Variants in GRM5 observed in about 807,000 individuals in gnomAD.
GRM5 encodes the protein glutamate metabotropic receptor 5.
Under a neutral mutation model 83.1 loss-of-function variants are expected in GRM5, and 19 were observed. The observed-to-expected ratio is 0.23, with a 90% CI of 0.16 to 0.34. The LOEUF (loss-of-function observed/expected upper bound fraction) is 0.34. GRM5 is among the 10% of genes least tolerant of loss of function. GRM5 has a pLI of 1.00. For missense variants in GRM5, 1,160 were observed against 1,588.3 expected (o/e 0.73, Z 4.58); for synonymous variants, 675 against 633.6 (o/e 1.07, Z -0.98).
At chr11:88,887,082 T>A (rs1402605448) in intron 2 of GRM5, among the ~76,000 whole-genome samples, 1 of 152,148 alleles carries the variant, frequency 6.6e-6, no homozygotes, top group Non-Finnish European at 1.5e-5. Flanking sequence ...CCTTTTTGCA[T>A]CCCTCTACTA....
chr11:89,015,541 C>T (rs571672794), intron 2 of GRM5, among the ~76,000 whole-genome samples: 1 of 152,236 alleles, frequency 6.6e-6, no homozygotes, highest in Non-Finnish European at 1.5e-5. Context: ...TATTAGTCTG[C>T]CCTCGTGGAT....
intron 4 of GRM5, among the ~76,000 whole-genome samples, chr11:88,647,191 G>T (rs1038004388): frequency 1.3e-5 from 2 of 151,904 alleles, no homozygotes; most frequent in Non-Finnish European, 2.9e-5. Context: ...CGAATTAGGG[G>T]CCTACCCTAC....
intron 3 of GRM5, among the ~76,000 whole-genome samples, chr11:88,776,891 C>T (rs7122663): frequency 0.018 from 2,780 of 152,202 alleles, 78 homozygotes; most frequent in African/African-American, 0.062. Context: ...TCATTTCAAC[C>T]TTGGCAAATC....
At chr11:88,924,861 T>C (rs1945759043) in intron 2 of GRM5, among the ~76,000 whole-genome samples, 2 of 152,002 alleles carry the variant, frequency 1.3e-5, no homozygotes, top group South Asian at 4.1e-4. Flanking sequence ...GTGATGGGTA[T>C]ACTAATTTGC....
chr11:88,708,572 T>C (rs954579271), intron 3 of GRM5, among the ~76,000 whole-genome samples: 16 of 152,242 alleles, frequency 1.1e-4, no homozygotes, highest in African/African-American at 3.6e-4. Flanking sequence ...TCTCCAAACA[T>C]TGAAGACCAC....
chr11:88,928,026 G>A (rs770518974), intron 2 of GRM5, among the ~76,000 whole-genome samples: 16 of 151,952 alleles, frequency 1.1e-4, no homozygotes, highest in South Asian at 6.2e-4. Flanking sequence ...TGGTAGCTTC[G>A]GCAGGTGTTA....
chr11:88,721,201 A>C (rs1941531043), intron 3 of GRM5, among the ~76,000 whole-genome samples: 1 of 152,078 alleles, frequency 6.6e-6, no homozygotes, highest in South Asian at 2.1e-4. Context: ...ACACTCAACA[A>C]TCGTTGGCTA....
Position 88,755,284 on chromosome 11 carries a change from G to A in GRM5, c.911+94622C>T, listed in dbSNP as rs374860270. On this transcript the variant is annotated intron_variant, in intron 3 of 9. Coordinates refer to ENST00000305447, the MANE Select transcript of GRM5 (RefSeq NM_001143831.3). ...AGTCTCAGAGAAGGTACAAGATGCC[G>A]TAAATTAATATATCTGAAATGGGAA... is the stretch of plus-strand genomic sequence containing the variant. 3.8e-4 allele frequency among the ~76,000 whole-genome samples: 58 copies of A among 152,028 alleles called. No individual in the cohort carries two copies. In the East Asian group the frequency reaches 4.5e-3, roughly 12 times the overall value.
intron 3 of GRM5, among the ~76,000 whole-genome samples, chr11:88,841,792 T>G (rs1347181985): frequency 2.6e-5 from 4 of 152,148 alleles, no homozygotes; most frequent in Admixed American, 2.6e-4. Context: ...ATGGTGTTAT[T>G]TAAGGTTCAC....
At chr11:88,652,791 ATG>A (rs1652511066) in intron 4 of GRM5, among the ~76,000 whole-genome samples, 1 of 152,064 alleles carries the variant, frequency 6.6e-6, no homozygotes, top group African/African-American at 2.4e-5. Context: ...AACCGTTACT[ATG>A]TGCTTCCACT....
At chr11:88,866,320 G>A (rs1293073703) in intron 2 of GRM5, among the ~76,000 whole-genome samples, 2 of 151,998 alleles carry the variant, frequency 1.3e-5, no homozygotes, top group African/African-American at 2.4e-5. Context: ...ACCAAACACT[G>A]CATGTTCTCG....
chr11:88,793,693 A>G (rs371882796), intron 3 of GRM5, among the ~76,000 whole-genome samples: 108 of 152,312 alleles, frequency 7.1e-4, no homozygotes, highest in Middle Eastern at 3.4e-3. Flanking sequence ...TAATAGTTTC[A>G]GAACAAACCT....
At chr11:89,005,030 C>T (rs1228738807) in intron 2 of GRM5, among the ~76,000 whole-genome samples, 3 of 152,220 alleles carry the variant, frequency 2.0e-5, no homozygotes, top group African/African-American at 7.2e-5. Flanking sequence ...GCAGACCAGA[C>T]TGCCTCTAGG....
chr11:88,896,089 G>GT (rs984423418), intron 2 of GRM5, among the ~76,000 whole-genome samples: 12 of 151,894 alleles, frequency 7.9e-5, no homozygotes, highest in African/African-American at 9.7e-5. Flanking sequence ...TGTATTGAAA[G>GT]TTTTGCAACA....
intron 3 of GRM5, among the ~76,000 whole-genome samples, chr11:88,802,367 G>T (rs1004241790): frequency 1.3e-5 from 2 of 151,994 alleles, no homozygotes; most frequent in Non-Finnish European, 2.9e-5. Context: ...GCCATTGAAA[G>T]AATAAAATCA....
At chr11:88,997,449 T>C (rs1940222500) in intron 2 of GRM5, among the ~76,000 whole-genome samples, 1 of 140,936 alleles carries the variant, frequency 7.1e-6, no homozygotes, top group Non-Finnish European at 1.6e-5. Flanking sequence ...AAATAATAAA[T>C]ATAATAACAA....
Position 88,567,577 on chromosome 11 carries a change from G to A in GRM5, c.2106C>T (p.Cys702=). The A allele has an allele frequency of 6.2e-7, 1 of 1,614,052 alleles. No homozygotes were observed. The highest frequency in any genetic ancestry group is 8.5e-7 in the Non-Finnish European group (1 of 1,179,936). ...GGGCAACGATGATGCCCAACTGGAT[G>A]CATATGAGAATGAAAGCAATCACTA... ...AQLVIAFILI[C]IQLGIIVALF... is the part of the protein sequence containing the mutation. The change falls in exon 8 of 10, where the codon TGC becomes TGT. Residue 702 remains cysteine, a synonymous_variant. Transcript: ENST00000305447. The surrounding 1 kb of genome is among the most constrained non-coding windows in gnomAD (Gnocchi z 7.3).
At chr11:88,522,592 T>G (rs994629525) in intron 9 of GRM5, among the ~76,000 whole-genome samples, 9 of 90,736 alleles carry the variant, frequency 9.9e-5, no homozygotes, top group African/African-American at 2.8e-4. Flanking sequence ...TCTCTCGCTC[T>G]CTCTCTCTCT....
chr11:88,784,195 G>T (rs1012071298), intron 3 of GRM5, among the ~76,000 whole-genome samples: 3 of 152,054 alleles, frequency 2.0e-5, no homozygotes, highest in Admixed American at 1.3e-4. Context: ...TCTTGTTTGT[G>T]TTAGGCAGCA....
Sources: allele counts gnomAD v4.1 joint callset (sites outside exome capture counted in the v4.1 genomes callset), GRCh38; gene constraint gnomAD v4.1.1; non-coding constraint Gnocchi (gnomAD v3.1); transcripts MANE v1.5; gene names NCBI Gene and HGNC (gene_info 2026-07-23, HGNC 2026-07-21).